RUNX2: variants seen among roughly 807,000 people sequenced by gnomAD.
RUNX2 encodes runt-related transcription factor 2.
A neutral mutation model predicts 51.7 loss-of-function variants in RUNX2; 10 were observed. That is an observed-to-expected ratio of 0.19 (90% CI 0.12 to 0.33). The LOEUF is 0.33. Ranked by LOEUF, RUNX2 falls within the 10% of genes least tolerant of loss-of-function variation. The probability of loss-of-function intolerance (pLI) is 1.00; values close to 1 mark genes in which losing one functional copy is unlikely to be tolerated. For missense variants in RUNX2, 562 were observed against 691.3 expected (o/e 0.81, Z 2.10); for synonymous variants, 276 against 273.6 (o/e 1.01, Z -0.09).
chr6:45,474,584 T>A (rs1799901737), intron 5 of RUNX2, among the ~76,000 whole-genome samples: 1 of 152,062 alleles, frequency 6.6e-6, no homozygotes, highest in African/African-American at 2.4e-5. Flanking sequence ...GTCTGTAGAG[T>A]TTAGTCTGGC....
Position 45,400,878 on chromosome 6 carries a change from C to G in RUNX2, c.59-21715C>G, listed in dbSNP as rs567994557. 3.3e-5 allele frequency among the ~76,000 whole-genome samples: 5 copies of G among 152,252 alleles called. No homozygotes were observed. The South Asian group carries it at 1.0e-3, about 32-fold the overall frequency. On this transcript the variant is annotated intron_variant, in intron 2 of 8. Transcript: ENST00000647337. The stretch of plus-strand genomic sequence containing the variant: ...AATGCCTCCAGCCATATTGTTTGCA[C>G]TGTACCTTGAAATTCATTTTCTTTA...
intron 8 of RUNX2, 146 bp downstream of exon 8, chr6:45,545,428 C>A (rs1582230502): frequency 3.4e-6 from 3 of 888,114 alleles, no homozygotes; most frequent in Non-Finnish European, 5.0e-6. Flanking sequence ...TGGCACTTAA[C>A]CCTTGCATTT....
intron 7 of RUNX2, among the ~76,000 whole-genome samples, chr6:45,525,497 C>T (rs1338294016): frequency 6.6e-6 from 1 of 152,214 alleles, no homozygotes; most frequent in Non-Finnish European, 1.5e-5. Flanking sequence ...TGAGGAGCCT[C>T]TCTTTTGAAT....
intron 5 of RUNX2, among the ~76,000 whole-genome samples, chr6:45,451,851 G>A (rs1308443371): frequency 6.6e-6 from 1 of 152,120 alleles, no homozygotes; most frequent in Non-Finnish European, 1.5e-5. Flanking sequence ...CCACCTTTCT[G>A]CTTTCAAAAT....
At chr6:45,432,409 A>G (rs17209881) in intron 4 of RUNX2, among the ~76,000 whole-genome samples, 12,134 of 152,216 alleles carry the variant, frequency 0.08, 710 homozygotes, top group South Asian at 0.18. Context: ...TTTTGGTCTA[A>G]GTTGTAGCAA....
intron 4 of RUNX2, among the ~76,000 whole-genome samples, chr6:45,433,042 C>T (rs1325597547): frequency 1.3e-5 from 2 of 152,100 alleles, no homozygotes; most frequent in African/African-American, 4.8e-5. Context: ...CAAATTATTA[C>T]CATTGTAAAA....
chr6:45,476,110 C>T (rs2150396658), intron 5 of RUNX2, among the ~76,000 whole-genome samples: 1 of 152,308 alleles, frequency 6.6e-6, no homozygotes, highest in South Asian at 2.1e-4. Flanking sequence ...GGATCCCTGC[C>T]ATTTCTCCAT....
chr6:45,400,189 G>GAGAA (rs1797681838), intron 2 of RUNX2, among the ~76,000 whole-genome samples: 1 of 141,360 alleles, frequency 7.1e-6, no homozygotes, highest in Non-Finnish European at 1.5e-5. Context: ...GAGGGAATGA[G>GAGAA]GGAAGGAAGG....
intron 6 of RUNX2, among the ~76,000 whole-genome samples, chr6:45,496,562 G>A (rs1183097448): frequency 6.6e-6 from 1 of 152,182 alleles, no homozygotes; most frequent in Non-Finnish European, 1.5e-5. Flanking sequence ...TTGAGAAAAG[G>A]TCCTTTGAAA....
chr6:45,457,732 T>C (rs1312005814), intron 5 of RUNX2, among the ~76,000 whole-genome samples: 1 of 152,090 alleles, frequency 6.6e-6, no homozygotes, highest in Non-Finnish European at 1.5e-5. Flanking sequence ...TAGAGAAAAG[T>C]AGGAGACTAG....
intron 2 of RUNX2, among the ~76,000 whole-genome samples, chr6:45,333,412 TG>T (rs775897395): frequency 5.3e-5 from 8 of 151,580 alleles, no homozygotes; most frequent in Non-Finnish European, 7.4e-5. Context: ...GCTCTTTTAC[TG>T]TATACAGTAT....
chr6:45,348,674 CAA>C (rs574845659), intron 2 of RUNX2, among the ~76,000 whole-genome samples: 30 of 75,994 alleles, frequency 3.9e-4, no homozygotes, highest in African/African-American at 1.2e-3. Context: ...AACTCCAACT[CAA>C]AAAAAAAAAA....
rs531992463 is a variant in RUNX2, at chr6:45,332,087, C to T, written c.58+3303C>T. Among the ~76,000 whole-genome samples the T allele has an allele frequency of 1.5e-4, 23 of 152,052 alleles. No homozygotes were observed. In the East Asian group the frequency reaches 2.1e-3, roughly 14 times the overall value. Reference sequence around the variant, plus strand: ...ACTGTACTCCAATACTTTAAAGCAGCGCTAATCAATTACAAACCTTTTCTA... The same window carrying T: ...ACTGTACTCCAATACTTTAAAGCAGTGCTAATCAATTACAAACCTTTTCTA... On this transcript the variant is annotated intron_variant, in intron 2 of 8. Transcript: ENST00000647337.
intron 6 of RUNX2, among the ~76,000 whole-genome samples, chr6:45,494,236 G>A (rs1030525405): frequency 6.6e-6 from 1 of 152,194 alleles, no homozygotes; most frequent in African/African-American, 2.4e-5. Flanking sequence ...TCGAGAGTGT[G>A]GCCACCTCCA....
intron 2 of RUNX2, among the ~76,000 whole-genome samples, chr6:45,331,603 T>C (rs1046721452): frequency 6.6e-6 from 1 of 151,972 alleles, no homozygotes; most frequent in African/African-American, 2.4e-5. Context: ...TAAATTATTT[T>C]AAATTATAAT....
chr6:45,354,102 T>C (rs1057244391), intron 2 of RUNX2, among the ~76,000 whole-genome samples: 2 of 152,184 alleles, frequency 1.3e-5, no homozygotes, highest in Non-Finnish European at 1.5e-5. Context: ...TTAGTTCAAC[T>C]TTCCTGTAGG....
intron 8 of RUNX2, among the ~76,000 whole-genome samples, chr6:45,546,244 A>T (rs1294627101): frequency 6.6e-6 from 1 of 152,030 alleles, no homozygotes; most frequent in African/African-American, 2.4e-5. Context: ...TTCTGGTTTG[A>T]TTTCACTGTT....
chr6:45,408,748 CAG>C (rs1456810031), intron 2 of RUNX2, among the ~76,000 whole-genome samples: 1 of 152,006 alleles, frequency 6.6e-6, no homozygotes, highest in Non-Finnish European at 1.5e-5. Context: ...GGTTACAAGA[CAG>C]AGTCAAGGTT....
chr6:45,358,202 G>A (rs1314842221), intron 2 of RUNX2, among the ~76,000 whole-genome samples: 3 of 152,120 alleles, frequency 2.0e-5, no homozygotes, highest in African/African-American at 7.2e-5. Context: ...ATGCAACCCA[G>A]AAAAGAAGCA....
Sources: gnomAD v4.1 joint callset for allele counts (sites outside exome capture counted in the v4.1 genomes callset) on GRCh38, gnomAD v4.1.1 for gene constraint, MANE v1.5 for transcripts, NCBI Gene and HGNC (gene_info 2026-07-23, HGNC 2026-07-21) for gene names.